MATCAP2: variants seen among roughly 807,000 people sequenced by gnomAD.
MATCAP2 encodes putative tyrosine carboxypeptidase MATCAP2.
the MATCAP2 span, chr7:36,355,224 G>A: frequency 1.3e-5 from 2 of 152,256 alleles, no homozygotes; most frequent in South Asian, 4.2e-4. Flanking sequence ...TTAGTGCTTT[G>A]TAGGTGCCAA....
At chr7:36,349,191 T>C in the MATCAP2 span, among the ~76,000 whole-genome samples, 2 of 152,092 alleles carry the variant, frequency 1.3e-5, no homozygotes, top group Non-Finnish European at 2.9e-5. Context: ...GGTGAGATGA[T>C]CAAATTTGCA....
At chr7:36,385,626 A>C in the MATCAP2 span, among the ~76,000 whole-genome samples, 1 of 151,886 alleles carries the variant, frequency 6.6e-6, no homozygotes, top group African/African-American at 2.4e-5. Context: ...CTCTACAAAA[A>C]ATTTTAAAAA....
chr7:36,383,750 C>G, the MATCAP2 span: 1 of 636,916 alleles, frequency 1.6e-6, no homozygotes, highest in African/African-American at 1.9e-5. Flanking sequence ...CACCATGGCA[C>G]GTGTATGCCT....
chr7:36,385,921 TA>T, the MATCAP2 span, among the ~76,000 whole-genome samples: 2 of 152,068 alleles, frequency 1.3e-5, no homozygotes, highest in Non-Finnish European at 2.9e-5. Flanking sequence ...TTGGGAGGTC[TA>T]GTTGGGTGGA....
At chr7:36,383,787 A>G in the MATCAP2 span, 1 of 1,006,380 alleles carries the variant, frequency 9.9e-7, no homozygotes, top group Admixed American at 2.2e-5. Flanking sequence ...CGTTCTGCAC[A>G]TGTACTCCAG....
chr7:36,367,261 G>A, the MATCAP2 span: 1 of 1,070,904 alleles, frequency 9.3e-7, no homozygotes, highest in Non-Finnish European at 1.1e-6. Context: ...GTCCGCGCGC[G>A]CTGCGCTTCA....
At chr7:36,330,609 C>A in the MATCAP2 span, among the ~76,000 whole-genome samples, 1 of 151,870 alleles carries the variant, frequency 6.6e-6, no homozygotes, top group African/African-American at 2.4e-5. Context: ...TAATAAATCT[C>A]TTTTTATTAT....
the MATCAP2 span, among the ~76,000 whole-genome samples, chr7:36,367,965 C>A: frequency 6.6e-6 from 1 of 151,382 alleles, no homozygotes; most frequent in East Asian, 1.9e-4. Flanking sequence ...CTCGGGAGGC[C>A]GAGGTGGGAG....
At chr7:36,361,934 T>C in the MATCAP2 span, among the ~76,000 whole-genome samples, 1 of 152,250 alleles carries the variant, frequency 6.6e-6, no homozygotes, top group African/African-American at 2.4e-5. Flanking sequence ...TCCATTTATA[T>C]GTACTCCAAA....
chr7:36,389,357 C>T, the MATCAP2 span, among the ~76,000 whole-genome samples: 2 of 151,862 alleles, frequency 1.3e-5, no homozygotes, highest in Non-Finnish European at 2.9e-5. Context: ...CACAAGGGCT[C>T]TTAATCCTTT....
the MATCAP2 span, among the ~76,000 whole-genome samples, chr7:36,364,357 G>C: frequency 6.6e-6 from 1 of 152,106 alleles, no homozygotes; most frequent in African/African-American, 2.4e-5. Flanking sequence ...ACAAACTGCT[G>C]GGATTACAAG....
At chr7:36,383,789 G>A in the MATCAP2 span, 5 of 1,022,962 alleles carry the variant, frequency 4.9e-6, no homozygotes, top group South Asian at 1.5e-5. Flanking sequence ...TTCTGCACAT[G>A]TACTCCAGAA....
At chr7:36,390,164 G>T in the MATCAP2 span, 4 of 1,558,544 alleles carry the variant, frequency 2.6e-6, no homozygotes, top group Non-Finnish European at 3.5e-6. Context: ...GCGCGCGTGC[G>T]CAGTGTGTGC....
At chr7:36,374,246 CT>C in the MATCAP2 span, among the ~76,000 whole-genome samples, 230 of 142,990 alleles carry the variant, frequency 1.6e-3, no homozygotes, top group South Asian at 2.4e-3. Context: ...GCAAGGCTAA[CT>C]TTTTTTTTTT....
chr7:36,379,845 CACAGAG>C, the MATCAP2 span, among the ~76,000 whole-genome samples: 31 of 125,412 alleles, frequency 2.5e-4, no homozygotes, highest in African/African-American at 4.0e-4. Context: ...CACACACACA[CACAGAG>C]AGAGAGAGAG....
the MATCAP2 span, chr7:36,324,860 A>AAAG: frequency 5.9e-5 from 9 of 152,340 alleles, no homozygotes; most frequent in Middle Eastern, 0.01. Context: ...ATCCATTTTA[A>AAAG]AAGTCAGGAA....
At chr7:36,334,093 G>GT in the MATCAP2 span, 1 of 1,614,094 alleles carries the variant, frequency 6.2e-7, no homozygotes, top group Non-Finnish European at 8.5e-7. Flanking sequence ...TTTAGCTCAT[G>GT]TTTTTTACGT....
the MATCAP2 span, chr7:36,389,711 C>T: frequency 3.3e-6 from 1 of 302,138 alleles, no homozygotes; most frequent in Non-Finnish European, 6.0e-6. Context: ...GGGAGGGGGC[C>T]GGGAAGGAGG....
the MATCAP2 span, among the ~76,000 whole-genome samples, chr7:36,332,335 T>C: frequency 1.3e-4 from 20 of 152,306 alleles, no homozygotes; most frequent in African/African-American, 4.6e-4. Flanking sequence ...TCATTTTGAA[T>C]TTCAGGTTAG....
Sources: allele counts gnomAD v4.1 joint callset (sites outside exome capture counted in the v4.1 genomes callset), GRCh38; gene constraint gnomAD v4.1.1; transcripts MANE v1.5; gene names NCBI Gene and HGNC (gene_info 2026-07-23, HGNC 2026-07-21).